LPAR6: variants seen among roughly 807,000 people sequenced by gnomAD.
The protein encoded by LPAR6 is lysophosphatidic acid receptor 6, also known as G-protein coupled purinergic receptor P2Y5.
In LPAR6, 17 loss-of-function variants were observed where a neutral mutation model predicts 22.0. That is an observed-to-expected ratio of 0.77 (90% confidence interval 0.53 to 1.16). The LOEUF is 1.16. Ranked by LOEUF, LPAR6 falls within the 50% of genes most tolerant of loss-of-function variation. The pLI is 0.00. For missense variants in LPAR6, 384 were observed against 406.9 expected (o/e 0.94, Z 0.48); for synonymous variants, 136 against 139.8 (o/e 0.97, Z 0.19).
At chr13:48,444,418 G>A (rs1299045808) in intron 1 of LPAR6, 4 of 152,354 alleles carry the variant, frequency 2.6e-5, no homozygotes, top group Non-Finnish European at 5.9e-5. Flanking sequence ...TCCAGAGGCT[G>A]AGGCACGAGA....
upstream of LPAR6, among the ~76,000 whole-genome samples, chr13:48,430,672 G>A (rs930622626): frequency 3.3e-5 from 5 of 152,078 alleles, no homozygotes; most frequent in South Asian, 2.1e-4. Flanking sequence ...CCCAGGGGGC[G>A]GAGGTTGCAG....
rs117721077 is a variant in LPAR6, at chr13:48,401,023, A to G, written n.115-11211T>C. ...TCATGGGACTCCAGCATTGTTAAGT[A>G]TGGGCAGTGTTCACTGTTATATTAC... On this transcript the variant is annotated intron_variant and non_coding_transcript_variant, in intron 1 of 1. Transcript: ENST00000462781. Among the ~76,000 whole-genome samples, 449 of 152,248 alleles carry G rather than the reference A, an allele frequency of 2.9e-3. 1 individual carries two copies. The highest frequency in any genetic ancestry group is 6.8e-3 in the Middle Eastern group (2 of 294).
chr13:48,418,661 G>A (rs1423474154), intron 2 of LPAR6, among the ~76,000 whole-genome samples: 1 of 150,694 alleles, frequency 6.6e-6, no homozygotes, highest in South Asian at 2.1e-4. Flanking sequence ...GCAAAGACAC[G>A]TGCTCTAAAT....
chr13:48,436,271 C>A (rs1379158241), intron 1 of LPAR6, among the ~76,000 whole-genome samples: 2 of 152,074 alleles, frequency 1.3e-5, no homozygotes, highest in African/African-American at 4.8e-5. Flanking sequence ...TCTTTGGTGT[C>A]CAGTTGGAAA....
intron 1 of LPAR6, among the ~76,000 whole-genome samples, chr13:48,403,033 T>TA (rs539123750): frequency 5.1e-4 from 78 of 152,170 alleles, no homozygotes; most frequent in South Asian, 3.9e-3. Context: ...TATGTCCTAT[T>TA]AAAATATGAG....
At chr13:48,441,595 C>CA (rs1183087948) in intron 1 of LPAR6, among the ~76,000 whole-genome samples, 1 of 151,760 alleles carries the variant, frequency 6.6e-6, no homozygotes, top group Non-Finnish European at 1.5e-5. Context: ...CAGCAAAACC[C>CA]AAAAAACCAA....
At chr13:48,392,761 TCTC>T (rs1948620620) in intron 1 of LPAR6, among the ~76,000 whole-genome samples, 1 of 152,062 alleles carries the variant, frequency 6.6e-6, no homozygotes, top group African/African-American at 2.4e-5. Context: ...TCTCTCTCTC[TCTC>T]TCTTTTTTTT....
At chr13:48,413,666 G>A (rs1169201628), upstream of LPAR6, among the ~76,000 whole-genome samples, 1 of 152,052 alleles carries the variant, frequency 6.6e-6, no homozygotes, top group Non-Finnish European at 1.5e-5. Flanking sequence ...TTTTTGATAA[G>A]CAATTTTCTA....
chr13:48,391,815 C>T (rs1948612983), intron 1 of LPAR6, among the ~76,000 whole-genome samples: 1 of 151,874 alleles, frequency 6.6e-6, no homozygotes, highest in Non-Finnish European at 1.5e-5. Context: ...GAAAGGGTTT[C>T]ACCATGTTGA....
At chr13:48,391,620 A>ATT (rs1284387748) in intron 1 of LPAR6, 2 of 149,010 alleles carry the variant, frequency 1.3e-5, no homozygotes, top group African/African-American at 2.5e-5. Flanking sequence ...AAGCATTTCT[A>ATT]TTTTTTTTTT....
chr13:48,392,961 T>G (rs1948622426), intron 1 of LPAR6, among the ~76,000 whole-genome samples: 1 of 152,214 alleles, frequency 6.6e-6, no homozygotes, highest in Admixed American at 6.5e-5. Context: ...TTTATTTATT[T>G]ATCTGGTTTT....
intron 1 of LPAR6, among the ~76,000 whole-genome samples, chr13:48,426,291 G>A (rs1566221328): frequency 6.6e-6 from 1 of 152,156 alleles, no homozygotes; most frequent in Non-Finnish European, 1.5e-5. Context: ...TTATGTTGTG[G>A]GAAATCATGG....
intron 1 of LPAR6, among the ~76,000 whole-genome samples, chr13:48,438,230 G>T (rs1949203244): frequency 6.6e-6 from 1 of 152,082 alleles, no homozygotes; most frequent in Non-Finnish European, 1.5e-5. Context: ...GCCCTTCTAA[G>T]CACTTTACAT....
At chr13:48,443,431 C>G (rs1004518167) in intron 1 of LPAR6, among the ~76,000 whole-genome samples, 9 of 151,280 alleles carry the variant, frequency 5.9e-5, no homozygotes, top group African/African-American at 2.2e-4. Context: ...TTATTCCACA[C>G]TCAAAAAATA....
intron 2 of LPAR6, among the ~76,000 whole-genome samples, chr13:48,422,151 A>G (rs1949015767): frequency 6.6e-6 from 1 of 152,242 alleles, no homozygotes; most frequent in African/African-American, 2.4e-5. Flanking sequence ...GATAAAGAAA[A>G]TGTGGCACAT....
At chr13:48,415,057 T>G (rs1391268293), upstream of LPAR6, among the ~76,000 whole-genome samples, 1 of 152,136 alleles carries the variant, frequency 6.6e-6, no homozygotes, top group Non-Finnish European at 1.5e-5. Flanking sequence ...TCTTTCAAAT[T>G]GATAGTCTCC....
intron 1 of LPAR6, among the ~76,000 whole-genome samples, chr13:48,434,008 G>A (rs1016544240): frequency 1.3e-5 from 2 of 151,888 alleles, no homozygotes; most frequent in Non-Finnish European, 2.9e-5. Context: ...ATAGGCATGA[G>A]CCACTGTGCC....
chr13:48,424,475 G>A (rs1304484413), intron 1 of LPAR6, among the ~76,000 whole-genome samples: 1 of 152,196 alleles, frequency 6.6e-6, no homozygotes, highest in African/African-American at 2.4e-5. Context: ...TGGGAATGAT[G>A]GTTGAAGCAG....
At chr13:48,414,063 T>C (rs1948865139), upstream of LPAR6, among the ~76,000 whole-genome samples, 2 of 152,108 alleles carry the variant, frequency 1.3e-5, no homozygotes, top group South Asian at 4.1e-4. Flanking sequence ...TACTCATATT[T>C]TGGGCCAGGT....
Sources: allele counts gnomAD v4.1 joint callset (sites outside exome capture counted in the v4.1 genomes callset), GRCh38; gene constraint gnomAD v4.1.1; transcripts MANE v1.5; gene names NCBI Gene and HGNC (gene_info 2026-07-23, HGNC 2026-07-21).